Variants in WLS observed in about 807,000 individuals in gnomAD.
The protein encoded by WLS is Wnt ligand secretion mediator.
WLS carries 23 observed loss-of-function variants against 62.8 expected under a neutral mutation model. The observed-to-expected ratio is 0.37, with a 90% CI of 0.26 to 0.52. The LOEUF (loss-of-function observed/expected upper bound fraction) is 0.52. WLS is among the 20% of genes least tolerant of loss of function. The probability of loss-of-function intolerance (pLI) is 0.92; values close to 1 mark genes in which losing one functional copy is unlikely to be tolerated. For missense variants in WLS, 615 were observed against 697.3 expected (o/e 0.88, Z 1.33); for synonymous variants, 246 against 244.1 (o/e 1.01, Z -0.07).
chr1:68,176,644 T>C (rs527998527), intron 2 of WLS, among the ~76,000 whole-genome samples: 1 of 152,344 alleles, frequency 6.6e-6, no homozygotes, highest in South Asian at 2.1e-4. Flanking sequence ...TTTTCTCTAA[T>C]ATGGACACTT....
At chr1:68,173,261 A>G (rs568110661) in intron 2 of WLS, among the ~76,000 whole-genome samples, 2 of 152,398 alleles carry the variant, frequency 1.3e-5, no homozygotes, top group South Asian at 4.1e-4. Context: ...CTATTTGACC[A>G]TAATCAACAT....
chr1:68,151,943 C>T (rs1035496815), intron 5 of WLS, among the ~76,000 whole-genome samples: 60 of 152,078 alleles, frequency 3.9e-4, no homozygotes, highest in East Asian at 1.9e-4. Flanking sequence ...AAAGGGGTTG[C>T]GAGGCTGTTC....
intron 1 of WLS, among the ~76,000 whole-genome samples, chr1:68,199,927 G>A (rs1355374348): frequency 6.6e-6 from 1 of 152,134 alleles, no homozygotes; most frequent in Non-Finnish European, 1.5e-5. Flanking sequence ...TGAAGTCTCA[G>A]TCATCAGGTA....
At chr1:68,142,117 C>A (rs1020464337) in intron 10 of WLS, among the ~76,000 whole-genome samples, 1 of 152,196 alleles carries the variant, frequency 6.6e-6, no homozygotes, top group African/African-American at 2.4e-5. Context: ...AAGAAGTACA[C>A]TAATTAAACA....
intron 2 of WLS, among the ~76,000 whole-genome samples, chr1:68,180,561 C>A (rs1162430763): frequency 6.6e-6 from 1 of 152,136 alleles, no homozygotes; most frequent in Non-Finnish European, 1.5e-5. Flanking sequence ...GAACATGTTC[C>A]ATATAAATGC....
rs555518368 is a variant in WLS at position 68,208,254 on chromosome 1, G to A, written c.107-14027C>T. 5.3e-5 allele frequency among the ~76,000 whole-genome samples: 8 copies of A among 152,274 alleles called. No homozygotes were observed. In the East Asian group the frequency reaches 1.4e-3, roughly 26 times the overall value. On this transcript the variant is annotated intron_variant, in intron 1 of 11. Coordinates refer to ENST00000262348, the MANE Select transcript of WLS (RefSeq NM_024911.7). ...AAATTATTATAAAATAGTTATGGCA[G>A]AGCAAAAACTATTGACATGGGTATT...
At chr1:68,223,503 G>A (rs922575985) in intron 1 of WLS, among the ~76,000 whole-genome samples, 18 of 152,148 alleles carry the variant, frequency 1.2e-4, no homozygotes, top group African/African-American at 2.2e-4. Flanking sequence ...AAACAGTGTC[G>A]TGTGTAAGTT....
intron 2 of WLS, among the ~76,000 whole-genome samples, chr1:68,169,804 A>T (rs1647119407): frequency 1.3e-5 from 2 of 152,220 alleles, no homozygotes; most frequent in Non-Finnish European, 2.9e-5. Flanking sequence ...AAGACTCCTT[A>T]AATGGCATAA....
chr1:68,217,910 C>G (rs1485736541), intron 1 of WLS, among the ~76,000 whole-genome samples: 1 of 152,174 alleles, frequency 6.6e-6, no homozygotes, highest in Admixed American at 6.5e-5. Context: ...GCTTCAGTCC[C>G]AGTTCCCAGA....
rs1170413503 is a variant in WLS, at chr1:68,153,602, A to G, written c.718T>C (p.Phe240Leu). ...ATGATGAAGATGCTGGGCGTAAGGA[A>G]GGTCTTCATGGCAAACCACACCTTG... ...FTKVWFAMKTFLTPSIFIIMV... is the reference protein window; with the variant it reads ...FTKVWFAMKTLLTPSIFIIMV... Residue 240 changes from phenylalanine to leucine, a missense_variant, in exon 5 of 12, where the codon TTC becomes CTC. Physicochemically the swap from Phe to Leu is conservative, Grantham distance 22. Transcript: ENST00000262348. 6.2e-7 allele frequency: 1 copy of G among 1,614,204 alleles called. No individual in the cohort carries two copies. Among genetic ancestry groups the G allele is most frequent in the East Asian group, 2.2e-5 (1 of 44,880 alleles).
chr1:68,106,498 C>A (rs1206412912), intron 11 of WLS, among the ~76,000 whole-genome samples: 1 of 152,160 alleles, frequency 6.6e-6, no homozygotes, highest in Non-Finnish European at 1.5e-5. Context: ...GGGAGCCCCA[C>A]AGAGCAACAG....
chr1:68,199,212 A>G (rs988758878), intron 1 of WLS, among the ~76,000 whole-genome samples: 1 of 152,168 alleles, frequency 6.6e-6, no homozygotes, highest in Non-Finnish European at 1.5e-5. Context: ...TTTAGCAATC[A>G]CCTAGGAGCA....
intron 2 of WLS, among the ~76,000 whole-genome samples, chr1:68,170,327 G>A (rs142145367): frequency 0.05 from 7,632 of 151,786 alleles, 218 homozygotes; most frequent in Middle Eastern, 0.11. Flanking sequence ...CACCATGCCT[G>A]GCTAATTTTT....
intron 1 of WLS, among the ~76,000 whole-genome samples, chr1:68,227,035 C>T (rs1650177340): frequency 6.6e-6 from 1 of 152,138 alleles, no homozygotes; most frequent in African/African-American, 2.4e-5. Context: ...AAATGTTTCT[C>T]ACTGTAACAG....
chr1:68,170,136 C>G (rs1210075205), intron 2 of WLS, among the ~76,000 whole-genome samples: 1 of 150,312 alleles, frequency 6.7e-6, no homozygotes, highest in African/African-American at 2.4e-5. Flanking sequence ...ATAGTAAGCA[C>G]TCAGTCAATG....
chr1:68,168,583 A>C (rs1039068620), intron 2 of WLS, among the ~76,000 whole-genome samples: 1 of 152,184 alleles, frequency 6.6e-6, no homozygotes, highest in Non-Finnish European at 1.5e-5. Flanking sequence ...GGAAATCAGG[A>C]ATGATTTTAT....
chr1:68,124,503 T>C (rs1376277473), downstream of WLS, among the ~76,000 whole-genome samples: 1 of 152,046 alleles, frequency 6.6e-6, no homozygotes, highest in Non-Finnish European at 1.5e-5. Context: ...TCCTTTAAGG[T>C]CTATCTAAAG....
At chr1:68,138,065 A>C in intron 10 of WLS, 132 bp from the exon 11 acceptor site, 1 of 1,007,768 alleles carries the variant, frequency 9.9e-7, no homozygotes. Context: ...GCCATGTAAG[A>C]CTCCATCTTT....
chr1:68,139,157 A>G (rs1646652172), intron 10 of WLS, among the ~76,000 whole-genome samples: 1 of 152,232 alleles, frequency 6.6e-6, no homozygotes, highest in Non-Finnish European at 1.5e-5. Flanking sequence ...TTTGTGACTC[A>G]TAAACAAACC....
Sources: gnomAD v4.1 joint callset for allele counts (sites outside exome capture counted in the v4.1 genomes callset) on GRCh38, gnomAD v4.1.1 for gene constraint, MANE v1.5 for transcripts, NCBI Gene and HGNC (gene_info 2026-07-23, HGNC 2026-07-21) for gene names.